Variants in IGSF9B observed in about 807,000 individuals in gnomAD.
IGSF9B encodes the protein immunoglobulin superfamily member 9B.
IGSF9B carries 48 observed loss-of-function variants against 143.7 expected under a neutral mutation model. The observed-to-expected ratio is 0.33, with a 90% confidence interval of 0.26 to 0.42. The LOEUF is 0.42. IGSF9B is among the 20% of genes least tolerant of loss of function. IGSF9B has a pLI of 1.00. For missense variants in IGSF9B, 1,706 were observed against 1,980.0 expected (o/e 0.86, Z 2.63); for synonymous variants, 903 against 833.1 (o/e 1.08, Z -1.44).
At position 133,922,112 on chromosome 11, in the gene IGSF9B, G is replaced by A. The variant is rs374098386; in HGVS notation, c.2327+65C>T. ...ACACTAACATGGGGCTGGGTAAGGC[G>A]AGCGGTCTACCTATGCGCCCCCTGC... On this transcript the variant is annotated intron_variant, in intron 17 of 19. Transcript: ENST00000533871. 30 of 1,358,606 alleles carry A rather than the reference G, an allele frequency of 2.2e-5. No individual in the cohort carries two copies. In the East Asian group the frequency reaches 2.3e-4, roughly 11 times the overall value. 84.2% of individuals were successfully genotyped at this position (1,358,606 alleles called of 1,614,324 possible). A position where few individuals can be genotyped will look rare whatever the true frequency, so the allele number is the denominator to read the frequency against.
chr11:133,931,688 C>T lies in IGSF9B; in HGVS notation c.1218G>A (p.Met406Ile). The T allele has an allele frequency of 6.2e-7, 1 of 1,611,540 alleles. No individual in the cohort carries two copies. The highest frequency in any genetic ancestry group is 8.5e-7 in the Non-Finnish European group (1 of 1,178,842). Residue 406 changes from methionine to isoleucine, a missense_variant, in exon 9 of 20, where the codon ATG becomes ATA. Transcript: ENST00000533871. The surrounding 1 kb of genome is among the most constrained non-coding windows in gnomAD (Gnocchi z 7.7). ...CAAGCCTCGCAGGGGCAGACTGGCC[C>T]ATGGTCCCCAGAGTGTTGTAAGGCA... is the stretch of plus-strand genomic sequence containing the variant. The part of the protein sequence containing the change: ...TCVPYNTLGT[M>I]GQSAPARLVL...
At chr11:133,934,034 C>T (rs1412105577) in intron 7 of IGSF9B, among the ~76,000 whole-genome samples, 3 of 149,964 alleles carry the variant, frequency 2.0e-5, no homozygotes, top group African/African-American at 7.4e-5. Context: ...ATGGGAAATA[C>T]TCTGAACACT....
intron 3 of IGSF9B, among the ~76,000 whole-genome samples, chr11:133,943,804 G>A (rs1057203700): frequency 2.0e-5 from 3 of 152,084 alleles, no homozygotes; most frequent in Non-Finnish European, 2.9e-5. Flanking sequence ...CCAAAACATC[G>A]ATCTAAAAAG....
At position 133,924,875 on chromosome 11, in the gene IGSF9B, G is replaced by T. The variant is rs762453893; in HGVS notation, c.2064C>A (p.Ala688=). ...QDTWYEFRVL[A]VMQDLISEPS... is the part of the protein sequence containing the mutation. The stretch of plus-strand genomic sequence containing the variant: ...GCTCGCTGATCAGATCCTGCATGAC[G>T]GCCAGAACCCGGAACTCATACCACG... Residue 688 remains alanine, a synonymous_variant, in exon 15 of 20, where the codon GCC becomes GCA. Transcript: ENST00000533871. 1 of 1,613,618 alleles carries T rather than the reference G, an allele frequency of 6.2e-7. No homozygotes were observed. Among genetic ancestry groups the T allele is most frequent in the Non-Finnish European group, 8.5e-7 (1 of 1,179,886 alleles).
rs1468220578 is a variant in IGSF9B, at chr11:133,902,779, A to C, written c.*6290T>G. 6.6e-6 allele frequency among the ~76,000 whole-genome samples: 1 copy of C among 152,108 alleles called. No individual in the cohort carries two copies. On this transcript the variant is annotated 3_prime_UTR_variant, in exon 20 of 20. Coordinates refer to ENST00000533871, the MANE Select transcript of IGSF9B (RefSeq NM_001277285.4). ...AGGCCATATAAAACCTCATTGATAG[A>C]GTGGCTGACAACTACCCTTTCAAGA...
chr11:133,921,473 GCAACCACCCAGCACCCA>G, intron 17 of IGSF9B, 76 bp from the exon 18 acceptor site: 1 of 1,170,000 alleles, frequency 8.5e-7, no homozygotes, highest in South Asian at 1.7e-5. Flanking sequence ...CCCTCTCTCG[GCAACCACCCAGCACCCA>G]GGATCCTCAC....
chr11:133,944,522 AGCAGGT>A (rs1040070959), intron 2 of IGSF9B, among the ~76,000 whole-genome samples, 156 bp from the exon 3 acceptor site: 4 of 152,134 alleles, frequency 2.6e-5, no homozygotes, highest in Admixed American at 2.6e-4. Context: ...CACCTCCAGC[AGCAGGT>A]GGCAAAGGAA....
At position 133,901,943 on chromosome 11, in the gene IGSF9B, ACACAT is replaced by A. The variant is rs1555082677; in HGVS notation, c.*7121_*7125del. Among the ~76,000 whole-genome samples the A allele has an allele frequency of 7.9e-6, 1 of 126,116 alleles. No individual in the cohort carries two copies. The highest frequency in any genetic ancestry group is 1.7e-5 in the Non-Finnish European group (1 of 59,432). 82.7% of individuals were successfully genotyped at this position (126,116 alleles called of 152,430 possible). On this transcript the variant is annotated 3_prime_UTR_variant, in exon 20 of 20. Transcript: ENST00000533871. ...ACACACCAAACCACACAACACACAC[ACACAT>A]CACACACATGCACACCGCATCACAC...
chr11:133,952,100 C>G (rs1241890148), intron 1 of IGSF9B: 1 of 453,630 alleles, frequency 2.2e-6, no homozygotes, highest in African/African-American at 2.0e-5. Context: ...CTCTGGCGCA[C>G]TCGGACTCTT....
Position 133,945,961 on chromosome 11 carries a change from A to T in IGSF9B, c.262+100T>A, listed in dbSNP as rs377208954. 1.3e-6 allele frequency: 1 copy of T among 765,762 alleles called. No homozygotes were observed. Among genetic ancestry groups the T allele is most frequent in the African/African-American group, 1.8e-5 (1 of 56,696 alleles). 47.4% of individuals were successfully genotyped at this position (765,762 alleles called of 1,614,324 possible). A position where few individuals can be genotyped will look rare whatever the true frequency, so the allele number is the denominator to read the frequency against. On this transcript the variant is annotated intron_variant, in intron 2 of 19. Transcript: ENST00000533871. The surrounding 1 kb of genome is among the most constrained non-coding windows in gnomAD (Gnocchi z 4.6). ...GAACCAGGCAGAGACTGGGAAACAG[A>T]GATAAAGAGTGGTCAGGACAAGGCA...
chr11:133,955,568 C>A (rs755953023), intron 1 of IGSF9B, among the ~76,000 whole-genome samples: 1 of 152,214 alleles, frequency 6.6e-6, no homozygotes, highest in Non-Finnish European at 1.5e-5. Flanking sequence ...CCACCCACAG[C>A]GGGTTCTCTC....
chr11:133,937,259 C>T, intron 5 of IGSF9B, 117 bp downstream of exon 5: 1 of 701,814 alleles, frequency 1.4e-6, no homozygotes. Context: ...GTCCTCATGG[C>T]CGCCTGCACC....
chr11:133,930,764 A>G (rs1337392926), intron 11 of IGSF9B, among the ~76,000 whole-genome samples: 2 of 152,228 alleles, frequency 1.3e-5, no homozygotes, highest in African/African-American at 4.8e-5. Context: ...CTGTCCCCAG[A>G]AAGACCTCCC....
intron 12 of IGSF9B, among the ~76,000 whole-genome samples, chr11:133,929,221 AC>A (rs1407310993): frequency 1.3e-5 from 2 of 152,162 alleles, no homozygotes; most frequent in African/African-American, 4.8e-5. Context: ...TATCTCACGT[AC>A]CCCATACCTA....
intron 1 of IGSF9B, 61 bp from the exon 2 acceptor site, chr11:133,946,319 GC>G: frequency 6.8e-7 from 1 of 1,464,106 alleles, no homozygotes; most frequent in Non-Finnish European, 9.4e-7. Flanking sequence ...TGCCCCAGCA[GC>G]CCCATGTCCG....
At chr11:133,923,022 C>T (rs1939569933) in intron 15 of IGSF9B, among the ~76,000 whole-genome samples, 1 of 152,202 alleles carries the variant, frequency 6.6e-6, no homozygotes, top group South Asian at 2.1e-4. Context: ...TAGGGTTTTG[C>T]CTTCTGCAAA....
intron 3 of IGSF9B, chr11:133,938,178 T>G: frequency 1.8e-6 from 1 of 559,528 alleles, no homozygotes. Flanking sequence ...TTCTGTATTG[T>G]AGCTTATTCC....
In IGSF9B at chr11:133,920,726, G is replaced by C. The variant is rs1939513471; in HGVS notation, c.2999C>G (p.Pro1000Arg). The C allele has an allele frequency of 6.2e-7, 1 of 1,613,082 alleles. No individual in the cohort carries two copies. The highest frequency in any genetic ancestry group is 8.5e-7 in the Non-Finnish European group (1 of 1,179,636). The change falls in exon 18 of 20, where the codon CCC (proline) becomes CGC (arginine). Residue 1000 changes from proline to arginine, a missense_variant. By Grantham distance (103) the Pro-to-Arg change is moderately radical. This residue lies in a region of IGSF9B where 880 missense variants were observed against 762.9 expected (regional missense o/e 1.15). Transcript: ENST00000533871. Reference sequence around the variant, plus strand: ...GCCAAAGGGCCCCTCGGTGGGCAGGGGCGGGGACGACATGACGGAGCTCAG... The same window carrying C: ...GCCAAAGGGCCCCTCGGTGGGCAGGCGCGGGGACGACATGACGGAGCTCAG... ...SPLSSVMSSPPLPTEGPFGHP... is the reference protein window; with the variant it reads ...SPLSSVMSSPRLPTEGPFGHP...
intron 17 of IGSF9B, 49 bp from the exon 18 acceptor site, chr11:133,921,446 T>C (rs1204692904): frequency 1.4e-5 from 19 of 1,378,864 alleles, no homozygotes; most frequent in Non-Finnish European, 1.7e-5. Flanking sequence ...GGCAGTGTGC[T>C]GGCCAGGACT....
Sources: gnomAD v4.1 joint callset for allele counts (sites outside exome capture counted in the v4.1 genomes callset) on GRCh38, gnomAD v4.1.1 for gene constraint, gnomAD v4.1.1 regional missense constraint, Gnocchi (gnomAD v3.1) non-coding constraint, MANE v1.5 for transcripts, NCBI Gene and HGNC (gene_info 2026-07-23, HGNC 2026-07-21) for gene names.